The following PPP3CC variants were observed in gnomAD, a reference collection of about 807,000 sequenced individuals.
The protein encoded by PPP3CC is protein phosphatase 3 catalytic subunit gamma, also known as serine/threonine-protein phosphatase 2B catalytic subunit gamma isoform.
PPP3CC carries 35 observed loss-of-function variants against 60.3 expected under a neutral mutation model. The observed-to-expected ratio is 0.58, with a 90% CI of 0.44 to 0.77. The LOEUF is 0.77. Among genes scored for constraint, PPP3CC ranks in the 30% least tolerant of loss-of-function variants. The probability of loss-of-function intolerance (pLI) is 0.00; values close to 1 mark genes in which losing one functional copy is unlikely to be tolerated. For missense variants in PPP3CC, 570 were observed against 628.9 expected, an observed-to-expected ratio of 0.91 and a Z score of 1.00; for synonymous variants, 206 against 224.3, an observed-to-expected ratio of 0.92 and a Z score of 0.73.
At chr8:22,449,824 A>G (rs1343256701) in intron 1 of PPP3CC, among the ~76,000 whole-genome samples, 2 of 151,842 alleles carry the variant, frequency 1.3e-5, no homozygotes, top group Non-Finnish European at 2.9e-5. Flanking sequence ...AATTTCATTA[A>G]TGGGACAGCA....
rs1009558357 is a variant in PPP3CC at position 22,467,825 on chromosome 8, G to C, written c.50-7129G>C. Reference sequence around the variant, plus strand: ...TAGAGGCTGGGAAGTCCAAGAGTCAGCTTGCCAGCAGATTGTGTGTCTGGT... The same window carrying C: ...TAGAGGCTGGGAAGTCCAAGAGTCACCTTGCCAGCAGATTGTGTGTCTGGT... On this transcript the variant is annotated intron_variant, in intron 1 of 13. Transcript: ENST00000240139. 2.0e-5 allele frequency among the ~76,000 whole-genome samples: 3 copies of C among 152,314 alleles called. No homozygotes were observed. The Middle Eastern group carries it at 0.01, about 518-fold the overall frequency.
At chr8:22,505,367 C>T (rs1838883810) in intron 4 of PPP3CC, among the ~76,000 whole-genome samples, 1 of 152,050 alleles carries the variant, frequency 6.6e-6, no homozygotes, top group South Asian at 2.1e-4. Flanking sequence ...AAATAGCTTA[C>T]TGACAAGTTC....
At chr8:22,538,238 A>G (rs1436654121) in intron 12 of PPP3CC, among the ~76,000 whole-genome samples, 2 of 152,200 alleles carry the variant, frequency 1.3e-5, no homozygotes, top group Non-Finnish European at 2.9e-5. Flanking sequence ...TTTAAGCTCT[A>G]ATTAGACCAA....
intron 1 of PPP3CC, among the ~76,000 whole-genome samples, chr8:22,452,122 TG>T (rs1183477863): frequency 1.3e-5 from 2 of 151,966 alleles, no homozygotes; most frequent in Non-Finnish European, 2.9e-5. Context: ...AACAAACTCC[TG>T]GCCTCAATTG....
At chr8:22,479,171 G>C (rs1033991760) in intron 3 of PPP3CC, among the ~76,000 whole-genome samples, 3 of 151,638 alleles carry the variant, frequency 2.0e-5, no homozygotes, top group Non-Finnish European at 4.4e-5. Flanking sequence ...TGAGTGTGAT[G>C]TTTTTGTTTA....
chr8:22,474,558 G>T (rs924245584), intron 1 of PPP3CC, among the ~76,000 whole-genome samples: 2 of 152,012 alleles, frequency 1.3e-5, no homozygotes, highest in Non-Finnish European at 2.9e-5. Flanking sequence ...GCAAAAATTA[G>T]CCAGGTGTGG....
At chr8:22,496,323 C>T (rs1231295307) in intron 3 of PPP3CC, among the ~76,000 whole-genome samples, 1 of 151,444 alleles carries the variant, frequency 6.6e-6, no homozygotes, top group Admixed American at 6.6e-5. Context: ...GGATAGTCTG[C>T]CCTCATAGTG....
chr8:22,504,220 C>T (rs1457251029), intron 4 of PPP3CC, among the ~76,000 whole-genome samples: 6 of 151,916 alleles, frequency 3.9e-5, no homozygotes, highest in African/African-American at 1.5e-4. Context: ...TATATGTATA[C>T]AATGTATAAT....
chr8:22,490,264 G>C (rs1530874), intron 3 of PPP3CC, among the ~76,000 whole-genome samples: 82,905 of 151,996 alleles, frequency 0.55, 23,738 homozygotes, highest in African/African-American at 0.72. Flanking sequence ...TGTGCAAACA[G>C]AGGTTGCAGG....
chr8:22,486,737 T>G lies in PPP3CC; in HGVS notation c.372+11113T>G, dbSNP rs192427653. ...CTTGATGTGTTTTTTGTTTTGTTTT[T>G]TTTTTTTTTTGGGACGGAGTCTCAC... On this transcript the variant is annotated intron_variant, in intron 3 of 13. Coordinates refer to ENST00000240139, the MANE Select transcript of PPP3CC (RefSeq NM_005605.5). 2.4e-3 allele frequency among the ~76,000 whole-genome samples: 360 copies of G among 151,558 alleles called. 1 individual carries two copies. Among genetic ancestry groups the G allele is most frequent in the South Asian group, 4.2e-3 (20 of 4,806 alleles).
chr8:22,492,236 T>C (rs1441859647), intron 3 of PPP3CC, among the ~76,000 whole-genome samples: 1 of 150,230 alleles, frequency 6.7e-6, no homozygotes, highest in African/African-American at 2.5e-5. Context: ...GTAGAAAAGA[T>C]ACAGTAAAAA....
chr8:22,514,879 T>C (rs1240578556), intron 6 of PPP3CC, among the ~76,000 whole-genome samples: 1 of 152,030 alleles, frequency 6.6e-6, no homozygotes, highest in African/African-American at 2.4e-5. Context: ...GGTTTCACCA[T>C]GTTGGCCAGG....
At chr8:22,510,437 A>G (rs1213209512) in intron 4 of PPP3CC, among the ~76,000 whole-genome samples, 1 of 152,180 alleles carries the variant, frequency 6.6e-6, no homozygotes, top group African/African-American at 2.4e-5. Context: ...CCACTTATAT[A>G]TCTTCAACAC....
At chr8:22,502,319 C>T (rs1838785009) in intron 4 of PPP3CC, among the ~76,000 whole-genome samples, 1 of 152,176 alleles carries the variant, frequency 6.6e-6, no homozygotes, top group Non-Finnish European at 1.5e-5. Flanking sequence ...AAAAGGTAAT[C>T]TAAATGTCAA....
intron 3 of PPP3CC, among the ~76,000 whole-genome samples, chr8:22,484,850 A>G (rs1443019056): frequency 6.6e-6 from 1 of 152,184 alleles, no homozygotes; most frequent in East Asian, 1.9e-4. Flanking sequence ...ATAGTTGAAG[A>G]GTTTTGAAGA....
chr8:22,493,244 C>T (rs1044201893), intron 3 of PPP3CC, among the ~76,000 whole-genome samples: 1 of 152,024 alleles, frequency 6.6e-6, no homozygotes, highest in Non-Finnish European at 1.5e-5. Context: ...TTTTTAAGCC[C>T]AAGCTCCTTG....
chr8:22,532,422 G>C (rs1839740826), intron 11 of PPP3CC, 116 bp downstream of exon 11: 1 of 801,274 alleles, frequency 1.2e-6, no homozygotes, highest in Non-Finnish European at 2.0e-6. Context: ...CAGGTCTTTA[G>C]GTTGAGTGCA....
chr8:22,442,368 A>T (rs1382670952), intron 1 of PPP3CC, among the ~76,000 whole-genome samples: 1 of 152,226 alleles, frequency 6.6e-6, no homozygotes, highest in Non-Finnish European at 1.5e-5. Flanking sequence ...CAGTGGGGAA[A>T]ATTATTAAGA....
rs71546815 is a variant in PPP3CC, at chr8:22,510,182, C to CAAA, written c.485-887_485-885dup. 6.2e-4 allele frequency among the ~76,000 whole-genome samples: 55 copies of CAAA among 88,218 alleles called. 2 individuals are homozygous for CAAA. The East Asian group carries it at 0.013, about 21-fold the overall frequency. 57.9% of individuals were successfully genotyped at this position (88,218 alleles called of 152,430 possible). ...TGGGGGACAGAGCAAGACTCCGTCT[C>CAAA]AAAAAAAAAAAAAAAAAAAGAGGCC... On this transcript the variant is annotated intron_variant, in intron 4 of 13. Transcript: ENST00000240139.
Sources: allele counts gnomAD v4.1 joint callset (sites outside exome capture counted in the v4.1 genomes callset), GRCh38; gene constraint gnomAD v4.1.1; transcripts MANE v1.5; gene names NCBI Gene and HGNC (gene_info 2026-07-23, HGNC 2026-07-21).